LMLN: variants seen among roughly 807,000 people sequenced by gnomAD.
LMLN encodes leishmanolysin-like peptidase.
A neutral mutation model predicts 92.3 loss-of-function variants in LMLN; 70 were observed. That is an observed-to-expected ratio of 0.76 (90% CI 0.63 to 0.92). The LOEUF (loss-of-function observed/expected upper bound fraction) is 0.92, where lower values mean the gene tolerates loss of function less well. LMLN is among the 40% of genes least tolerant of loss of function. LMLN has a pLI of 0.00. For missense variants in LMLN, 691 were observed against 814.6 expected, an observed-to-expected ratio of 0.85 and a Z score of 1.85; for synonymous variants, 308 against 296.2, an observed-to-expected ratio of 1.04 and a Z score of -0.41.
intron 8 of LMLN, among the ~76,000 whole-genome samples, chr3:197,986,404 G>T (rs1721707824): frequency 6.6e-6 from 1 of 152,210 alleles, no homozygotes; most frequent in South Asian, 2.1e-4. Context: ...AGGCTACAGT[G>T]AGCTGTGATG....
chr3:198,009,602 A>G (rs747245295), intron 11 of LMLN, among the ~76,000 whole-genome samples: 1 of 152,052 alleles, frequency 6.6e-6, no homozygotes, highest in Non-Finnish European at 1.5e-5. Flanking sequence ...GGGCCTGGAG[A>G]TTTCTCTTTT....
Position 198,005,086 on chromosome 3 carries a change from TATATATCATCTATACA to T in LMLN, c.1232+5745_1232+5760del, listed in dbSNP as rs1425598002. Among the ~76,000 whole-genome samples the T allele has an allele frequency of 5.6e-3, 74 of 13,100 alleles. 17 individuals carry two copies. The highest frequency in any genetic ancestry group is 0.011 in the African/African-American group (70 of 6,154). The allele number at this position is 13,100 out of a possible 152,430, so 8.6% of individuals were successfully genotyped here. ...ATACGTAGTAAGTTTGACATCTATC[TATATATCATCTATACA>T]GATACATATCATACGTAGTAAGTTT... On this transcript the variant is annotated intron_variant, in intron 11 of 15. Transcript: ENST00000330198.
exon 16 of LMLN, chr3:198,038,971 A>G: frequency 3.1e-6 from 1 of 318,622 alleles, no homozygotes; most frequent in Non-Finnish European, 6.0e-6. Flanking sequence ...CTTCATCAGC[A>G]ACCCAACCAC....
At chr3:198,036,725 TG>T (rs1427186153) in intron 15 of LMLN, among the ~76,000 whole-genome samples, 8 of 152,214 alleles carry the variant, frequency 5.3e-5, no homozygotes, top group Non-Finnish European at 5.9e-5. Context: ...GTGTTCAAAC[TG>T]AGGCTGATAA....
rs375481454 is a variant in LMLN, at chr3:198,042,699, G to A, written c.*4032G>A. 8 of 152,092 alleles carry A rather than the reference G, an allele frequency of 5.3e-5. No individual in the cohort carries two copies. The highest frequency in any genetic ancestry group is 4.6e-4 in the Admixed American group (7 of 15,278). The allele number at this position is 152,092 out of a possible 1,614,324, so 9.4% of individuals were successfully genotyped here. A position where few individuals can be genotyped will look rare whatever the true frequency, so the allele number is the denominator to read the frequency against. ...TCAAGTACTTATTAAAAACTATCTT[G>A]GTTTTCTGTTCAGACTTAGGCTCAT... On this transcript the variant is annotated 3_prime_UTR_variant, in exon 16 of 16. Transcript: ENST00000330198. This position sits in a 1 kb window ranked among gnomAD's most constrained non-coding sequence, Gnocchi z 4.2.
At chr3:197,974,259 T>G in intron 1 of LMLN, 118 bp from the exon 2 acceptor site, 1 of 630,078 alleles carries the variant, frequency 1.6e-6, no homozygotes, top group Non-Finnish European at 2.8e-6. Flanking sequence ...GGAATATGGG[T>G]CACAGAACTT....
chr3:197,978,293 G>A (rs1218714787), intron 5 of LMLN, among the ~76,000 whole-genome samples: 1 of 152,136 alleles, frequency 6.6e-6, no homozygotes, highest in Non-Finnish European at 1.5e-5. Context: ...GGAGATTTTT[G>A]TGATGTTCTG....
In LMLN at chr3:197,983,927, A is replaced by G. The variant is rs759788051; in HGVS notation, c.729-16A>G. The G allele has an allele frequency of 9.3e-6, 14 of 1,499,880 alleles. No individual in the cohort carries two copies. Among genetic ancestry groups the G allele is most frequent in the African/African-American group, 2.8e-5 (2 of 72,588 alleles). 92.9% of individuals were successfully genotyped at this position (1,499,880 alleles called of 1,614,324 possible). On this transcript the variant is annotated splice_polypyrimidine_tract_variant and intron_variant, in intron 6 of 15. Transcript: ENST00000330198. ...TTCTGGAATGTAATTTAAAAATTCA[A>G]TGTCTGTTTTGACAGGCCAATAGCA...
At chr3:198,002,463 C>T (rs2109904166) in intron 11 of LMLN, among the ~76,000 whole-genome samples, 1 of 152,342 alleles carries the variant, frequency 6.6e-6, no homozygotes, top group East Asian at 1.9e-4. Context: ...ATAGGCTGGG[C>T]ACAGTGGCTC....
At chr3:197,980,844 G>A (rs1368454780) in intron 6 of LMLN, 7 of 202,666 alleles carry the variant, frequency 3.5e-5, no homozygotes, top group African/African-American at 9.3e-5. Flanking sequence ...GGTGGCTCAC[G>A]CCTGTAATCC....
intron 11 of LMLN, among the ~76,000 whole-genome samples, chr3:198,003,685 C>G (rs1177844306): frequency 9.0e-6 from 1 of 111,314 alleles, no homozygotes; most frequent in Non-Finnish European, 1.7e-5. Context: ...TGACATCTAT[C>G]TATATATCAT....
chr3:197,991,134 G>T (rs1721855804), intron 9 of LMLN, among the ~76,000 whole-genome samples: 1 of 143,182 alleles, frequency 7.0e-6, no homozygotes, highest in Non-Finnish European at 1.5e-5. Flanking sequence ...TTTGATACAG[G>T]GTCTCACTCT....
At chr3:197,994,865 C>G (rs1054458231) in intron 9 of LMLN, among the ~76,000 whole-genome samples, 4 of 152,212 alleles carry the variant, frequency 2.6e-5, no homozygotes, top group Non-Finnish European at 5.9e-5. Flanking sequence ...GTTTACACAA[C>G]AGATTTGAAA....
intron 14 of LMLN, among the ~76,000 whole-genome samples, chr3:198,027,434 G>T (rs1273285662): frequency 1.3e-5 from 2 of 151,942 alleles, no homozygotes; most frequent in Non-Finnish European, 2.9e-5. Flanking sequence ...TAGTTAAGTG[G>T]CACTAAATAC....
At chr3:197,989,736 T>C (rs1007052270) in intron 8 of LMLN, among the ~76,000 whole-genome samples, 2 of 151,184 alleles carry the variant, frequency 1.3e-5, no homozygotes, top group South Asian at 2.1e-4. Flanking sequence ...AAAACACTTA[T>C]CAGGGCTAGG....
chr3:197,981,313 A>G (rs1157876250), intron 6 of LMLN, among the ~76,000 whole-genome samples: 1 of 152,120 alleles, frequency 6.6e-6, no homozygotes, highest in East Asian at 1.9e-4. Flanking sequence ...TGGAGCTTGC[A>G]GAGAGCTGTG....
intron 11 of LMLN, among the ~76,000 whole-genome samples, chr3:198,015,654 A>G (rs1420937022): frequency 6.8e-6 from 1 of 146,488 alleles, no homozygotes; most frequent in Non-Finnish European, 1.5e-5. Context: ...TCCACCCTTC[A>G]GAGCCCCCTA....
At chr3:197,992,984 CAAATCAGTAAATGTG>C (rs1183152330) in intron 9 of LMLN, among the ~76,000 whole-genome samples, 1 of 152,014 alleles carries the variant, frequency 6.6e-6, no homozygotes, top group Non-Finnish European at 1.5e-5. Flanking sequence ...CTGAACATAG[CAAATCAGTAAATGTG>C]ATCCATCTCA....
chr3:197,983,292 C>G (rs1721609039), intron 6 of LMLN, among the ~76,000 whole-genome samples: 1 of 152,128 alleles, frequency 6.6e-6, no homozygotes, highest in African/African-American at 2.4e-5. Context: ...TTGGCTGCAG[C>G]TTTTGAAAGA....
Sources: allele counts gnomAD v4.1 joint callset (sites outside exome capture counted in the v4.1 genomes callset), GRCh38; gene constraint gnomAD v4.1.1; non-coding constraint Gnocchi (gnomAD v3.1); transcripts MANE v1.5; gene names NCBI Gene and HGNC (gene_info 2026-07-23, HGNC 2026-07-21).